COL26A1: variants seen among roughly 807,000 people sequenced by gnomAD.
COL26A1 encodes the protein collagen alpha-1(XXVI) chain.
In COL26A1, 41 loss-of-function variants were observed where a neutral mutation model predicts 59.3. The observed-to-expected ratio is 0.69, with a 90% CI of 0.54 to 0.90. The LOEUF is 0.90. Among genes scored for constraint, COL26A1 ranks in the 40% least tolerant of loss-of-function variants. The pLI is 0.00. For synonymous variants in COL26A1, 266 were observed against 256.0 expected (o/e 1.04, Z -0.37); for missense variants, 612 against 602.3 (o/e 1.02, Z -0.17).
At chr7:101,486,389 T>C (rs1225174524) in intron 3 of COL26A1, among the ~76,000 whole-genome samples, 2 of 152,170 alleles carry the variant, frequency 1.3e-5, no homozygotes, top group Non-Finnish European at 2.9e-5. Flanking sequence ...AAGCCCGGTC[T>C]TGGGGTTCAC....
intron 11 of COL26A1, 142 bp from the exon 12 acceptor site, chr7:101,555,645 G>T: frequency 1.7e-6 from 1 of 600,986 alleles, no homozygotes; most frequent in South Asian, 2.0e-5. Context: ...TTCAGTCTAT[G>T]CTTATTTGCA....
chr7:101,377,157 CCTT>C lies in COL26A1; in HGVS notation c.158+13971_158+13973del, dbSNP rs576433606. On this transcript the variant is annotated intron_variant, in intron 1 of 12. Transcript: ENST00000313669. ...TACAGGCCTGAGCCACTGTGCCTGG[CCTT>C]CTTTTCTTTTTTCTTTTTTCCTTTT... Among the ~76,000 whole-genome samples, 141 of 151,932 alleles carry C rather than the reference CCTT, an allele frequency of 9.3e-4. 2 individuals are homozygous for C. In the South Asian group the frequency reaches 0.028, roughly 31 times the overall value.
intron 10 of COL26A1, among the ~76,000 whole-genome samples, chr7:101,552,735 C>T (rs760465369): frequency 2.6e-5 from 4 of 152,018 alleles, no homozygotes; most frequent in South Asian, 2.1e-4. Context: ...GGTGAAACCC[C>T]GTCTCTACTA....
intron 3 of COL26A1, among the ~76,000 whole-genome samples, chr7:101,495,970 A>G (rs1410808898): frequency 2.0e-5 from 3 of 152,024 alleles, no homozygotes; most frequent in Admixed American, 6.6e-5. Flanking sequence ...GGTACCAGCC[A>G]CTTGGGAGGC....
chr7:101,403,313 G>C (rs1206402071), intron 1 of COL26A1, among the ~76,000 whole-genome samples: 1 of 152,132 alleles, frequency 6.6e-6, no homozygotes, highest in African/African-American at 2.4e-5. Context: ...TCATGGGGGA[G>C]CATTCCTCCC....
intron 1 of COL26A1, among the ~76,000 whole-genome samples, chr7:101,400,353 A>ATTTTT: frequency 1.0e-5 from 1 of 97,256 alleles, no homozygotes; most frequent in Non-Finnish European, 1.9e-5. Context: ...TTTTTTTCCT[A>ATTTTT]TTTTTTTTTT....
Position 101,420,086 on chromosome 7 carries a change from G to A in COL26A1, c.268G>A (p.Ala90Thr), listed in dbSNP as rs2130276732. The A allele has an allele frequency of 1.2e-6, 2 of 1,613,120 alleles. No homozygotes were observed. The highest frequency in any genetic ancestry group is 1.7e-6 in the Non-Finnish European group (2 of 1,179,870). The change falls in exon 2 of 13, where the codon GCC becomes ACC. Residue 90 changes from alanine to threonine, a missense_variant. Physicochemically the swap from Ala to Thr is moderately conservative, Grantham distance 58. Transcript: ENST00000313669. ...YQSCRWPGPCANLVSYRTLIR... is the reference protein window; with the variant it reads ...YQSCRWPGPCTNLVSYRTLIR... ...GAGCTGCCGGTGGCCGGGGCCCTGC[G>A]CCAACCTCGTAAGGTAAAGGCCGCT...
At chr7:101,553,275 G>A in intron 10 of COL26A1, 51 bp from the exon 11 acceptor site, 1 of 1,550,490 alleles carries the variant, frequency 6.4e-7, no homozygotes, top group Non-Finnish European at 8.9e-7. Flanking sequence ...AGAGGGTGGA[G>A]AGGTGCCCCC....
chr7:101,507,509 C>A (rs1486792633), intron 3 of COL26A1, among the ~76,000 whole-genome samples: 3 of 152,112 alleles, frequency 2.0e-5, no homozygotes, highest in Non-Finnish European at 4.4e-5. Context: ...GCAACCTCCA[C>A]CTCCCCGCCT....
chr7:101,462,858 T>TG (rs1389027708), intron 3 of COL26A1, among the ~76,000 whole-genome samples: 2 of 150,830 alleles, frequency 1.3e-5, no homozygotes, highest in African/African-American at 4.9e-5. Flanking sequence ...AGGAGGGACT[T>TG]GCAGGCAAGG....
intron 2 of COL26A1, among the ~76,000 whole-genome samples, chr7:101,446,566 G>C (rs1299716252): frequency 6.6e-6 from 1 of 152,192 alleles, no homozygotes; most frequent in African/African-American, 2.4e-5. Flanking sequence ...GAGAAAGATG[G>C]CCGGGTGCCA....
chr7:101,426,931 C>T (rs1005275904), intron 2 of COL26A1, among the ~76,000 whole-genome samples: 11 of 152,174 alleles, frequency 7.2e-5, no homozygotes, highest in Admixed American at 2.6e-4. Context: ...CCTGTGTAGC[C>T]GCCTTGTGTG....
intron 1 of COL26A1, among the ~76,000 whole-genome samples, chr7:101,392,077 A>T (rs1283728868): frequency 2.6e-5 from 4 of 152,064 alleles, no homozygotes; most frequent in Admixed American, 6.6e-5. Context: ...AGGGAAGTGT[A>T]TGGGCCTGAG....
chr7:101,393,028 A>T (rs1791771412), intron 1 of COL26A1, among the ~76,000 whole-genome samples: 1 of 143,290 alleles, frequency 7.0e-6, no homozygotes. Flanking sequence ...TTTGAGATGG[A>T]GTCTCGCTCT....
At chr7:101,491,795 A>G (rs139616121) in intron 3 of COL26A1, among the ~76,000 whole-genome samples, 104 of 152,272 alleles carry the variant, frequency 6.8e-4, no homozygotes, top group African/African-American at 2.4e-3. Context: ...CAAGGTTTTT[A>G]TGACCTGTAT....
intron 1 of COL26A1, among the ~76,000 whole-genome samples, chr7:101,374,576 C>A (rs1389187974): frequency 6.6e-6 from 1 of 152,148 alleles, no homozygotes; most frequent in East Asian, 1.9e-4. Context: ...GTAAACTGCA[C>A]AGGCGAGGGA....
At chr7:101,488,341 T>C (rs1794311377) in intron 3 of COL26A1, among the ~76,000 whole-genome samples, 1 of 103,506 alleles carries the variant, frequency 9.7e-6, no homozygotes, top group African/African-American at 4.3e-5. Flanking sequence ...CCGTTTTTAA[T>C]TTTATTTAAT....
At chr7:101,463,788 CCTTT>C (rs1554416037) in intron 3 of COL26A1, among the ~76,000 whole-genome samples, 1 of 42,482 alleles carries the variant, frequency 2.4e-5, no homozygotes. Context: ...TTTCTTTCTT[CCTTT>C]CTTTCTCTCT....
intron 3 of COL26A1, among the ~76,000 whole-genome samples, chr7:101,461,024 C>T (rs926255959): frequency 1.3e-5 from 2 of 152,106 alleles, no homozygotes; most frequent in African/African-American, 4.8e-5. Context: ...CTCTGTCACC[C>T]AGGCTGGAGT....
Sources: allele counts gnomAD v4.1 joint callset (sites outside exome capture counted in the v4.1 genomes callset), GRCh38; gene constraint gnomAD v4.1.1; transcripts MANE v1.5; gene names NCBI Gene and HGNC (gene_info 2026-07-23, HGNC 2026-07-21).